Variants in LMNTD1 observed in about 807,000 individuals in gnomAD.
The protein encoded by LMNTD1 is lamin tail domain containing 1, also known as lamin tail domain-containing protein 1.
A neutral mutation model predicts 50.9 loss-of-function variants in LMNTD1; 35 were observed. The ratio of observed to expected loss-of-function variants is 0.69; its 90% CI spans 0.53 to 0.91. LMNTD1 has a LOEUF of 0.91. Ranked by LOEUF, LMNTD1 falls within the 40% of genes least tolerant of loss-of-function variation. The pLI is 0.00. For missense variants in LMNTD1, 470 were observed against 475.5 expected (o/e 0.99, Z 0.11); for synonymous variants, 153 against 161.9 (o/e 0.94, Z 0.42).
At chr12:25,633,040 A>C (rs992689718) in intron 1 of LMNTD1, among the ~76,000 whole-genome samples, 7 of 124,074 alleles carry the variant, frequency 5.6e-5, no homozygotes, top group Non-Finnish European at 1.4e-4. Context: ...CAGAAAAAAA[A>C]AAACAAACTT....
At chr12:25,586,293 C>T (rs900695488) in intron 1 of LMNTD1, among the ~76,000 whole-genome samples, 2 of 152,074 alleles carry the variant, frequency 1.3e-5, no homozygotes, top group Admixed American at 1.3e-4. Flanking sequence ...GCCATCACCC[C>T]ATCCACTAGA....
chr12:25,640,299 C>T (rs941258227), intron 1 of LMNTD1, among the ~76,000 whole-genome samples: 5 of 152,008 alleles, frequency 3.3e-5, no homozygotes, highest in African/African-American at 4.8e-5. Flanking sequence ...TGCTTGAGTC[C>T]AGGAGTTCGA....
intron 1 of LMNTD1, among the ~76,000 whole-genome samples, chr12:25,644,609 C>T (rs928736730): frequency 6.6e-6 from 1 of 151,854 alleles, no homozygotes; most frequent in African/African-American, 2.4e-5. Context: ...ATGATGAAAA[C>T]CAAGGAAGTA....
intron 8 of LMNTD1, among the ~76,000 whole-genome samples, chr12:25,516,745 G>T (rs1404825818): frequency 1.3e-5 from 2 of 151,752 alleles, no homozygotes; most frequent in East Asian, 3.9e-4. Flanking sequence ...CACAGCAAAA[G>T]AAACTACCAT....
intron 9 of LMNTD1, among the ~76,000 whole-genome samples, chr12:25,501,976 T>C (rs1939416434): frequency 6.6e-6 from 1 of 152,148 alleles, no homozygotes; most frequent in Admixed American, 6.5e-5. Flanking sequence ...GTGGGAGCTC[T>C]GAGAAAACAG....
In LMNTD1 at chr12:25,629,413, T is replaced by A. The variant is rs552772424; in HGVS notation, c.58+19081A>T. Among the ~76,000 whole-genome samples, 6 of 152,314 alleles carry A rather than the reference T, an allele frequency of 3.9e-5. No homozygotes were observed. In the South Asian group the frequency reaches 1.2e-3, roughly 32 times the overall value. The stretch of plus-strand genomic sequence containing the variant: ...GAAGTTTTACCTCAGGCTTGATAAG[T>A]CAAGACTACTGAGTCCTAATCAGCC... On this transcript the variant is annotated intron_variant, in intron 1 of 7. Coordinates refer to the LMNTD1 transcript ENST00000445693.
chr12:25,559,647 T>A (rs1036259945), intron 1 of LMNTD1, among the ~76,000 whole-genome samples: 10 of 152,204 alleles, frequency 6.6e-5, no homozygotes, highest in Non-Finnish European at 1.3e-4. Context: ...GTTGAACTAG[T>A]TTACAGTCCA....
intron 4 of LMNTD1, among the ~76,000 whole-genome samples, chr12:25,530,253 G>A (rs1375699720): frequency 6.6e-6 from 1 of 152,144 alleles, no homozygotes; most frequent in African/African-American, 2.4e-5. Flanking sequence ...TCTGCAAGAA[G>A]AGACTTTAAA....
intron 1 of LMNTD1, among the ~76,000 whole-genome samples, chr12:25,620,409 TAA>T (rs1946446433): frequency 6.6e-6 from 1 of 151,996 alleles, no homozygotes; most frequent in African/African-American, 2.4e-5. Context: ...TTTAAATATA[TAA>T]TTTCTATAAT....
chr12:25,527,164 C>T (rs1349936311), intron 4 of LMNTD1, among the ~76,000 whole-genome samples: 1 of 152,028 alleles, frequency 6.6e-6, no homozygotes, highest in East Asian at 1.9e-4. Context: ...ATAAAATAAC[C>T]TATTTCACTT....
chr12:25,532,417 G>A (rs1942287543), intron 4 of LMNTD1, among the ~76,000 whole-genome samples: 1 of 151,788 alleles, frequency 6.6e-6, no homozygotes, highest in Non-Finnish European at 1.5e-5. Context: ...TTTTTTATAG[G>A]CCCTAAATGC....
chr12:25,546,577 A>T (rs1280687275), intron 3 of LMNTD1, 23 bp from the exon 4 acceptor site: 21 of 1,444,394 alleles, frequency 1.5e-5, no homozygotes, highest in Non-Finnish European at 1.8e-5. Flanking sequence ...CAGAAGAAAG[A>T]AGTAACCAGG....
intron 1 of LMNTD1, among the ~76,000 whole-genome samples, chr12:25,612,675 G>T (rs957038831): frequency 6.6e-6 from 1 of 151,932 alleles, no homozygotes; most frequent in African/African-American, 2.4e-5. Flanking sequence ...CAGGGAAACA[G>T]AAAAAGGAGT....
intron 1 of LMNTD1, among the ~76,000 whole-genome samples, chr12:25,595,296 G>T (rs573449956): frequency 2.0e-5 from 3 of 152,174 alleles, no homozygotes; most frequent in African/African-American, 7.2e-5. Flanking sequence ...AACAGCACAT[G>T]AAACTTTCTC....
intron 9 of LMNTD1, among the ~76,000 whole-genome samples, chr12:25,489,893 C>T (rs1233891413): frequency 1.3e-5 from 2 of 152,100 alleles, no homozygotes; most frequent in African/African-American, 4.8e-5. Context: ...TTATTGGTTT[C>T]ACTTGAAGTA....
chr12:25,571,088 A>G (rs1186727509), intron 1 of LMNTD1, among the ~76,000 whole-genome samples: 1 of 152,318 alleles, frequency 6.6e-6, no homozygotes, highest in South Asian at 2.1e-4. Flanking sequence ...GCTGCCTTGA[A>G]ATCCTTAGTA....
intron 4 of LMNTD1, among the ~76,000 whole-genome samples, chr12:25,536,780 G>C (rs1942610051): frequency 1.3e-5 from 2 of 152,268 alleles, no homozygotes; most frequent in African/African-American, 2.4e-5. Flanking sequence ...GAGCGACGCA[G>C]AAGACGGGTG....
At chr12:25,605,829 T>C (rs1367118665) in intron 1 of LMNTD1, among the ~76,000 whole-genome samples, 4 of 152,314 alleles carry the variant, frequency 2.6e-5, no homozygotes, top group Non-Finnish European at 5.9e-5. Flanking sequence ...TCTTTTTTGG[T>C]TCCATATGAA....
intron 1 of LMNTD1, among the ~76,000 whole-genome samples, chr12:25,600,741 C>A (rs748161733): frequency 2.6e-5 from 4 of 151,990 alleles, no homozygotes; most frequent in African/African-American, 9.7e-5. Context: ...ATCAAAACTA[C>A]AATGAGATAC....
Sources: gnomAD v4.1 joint callset for allele counts (sites outside exome capture counted in the v4.1 genomes callset) on GRCh38, gnomAD v4.1.1 for gene constraint, MANE v1.5 for transcripts, NCBI Gene and HGNC (gene_info 2026-07-23, HGNC 2026-07-21) for gene names.